NOSIP: variants seen among roughly 807,000 people sequenced by gnomAD.
The protein encoded by NOSIP is nitric oxide synthase interacting protein.
In NOSIP, 25 loss-of-function variants were observed where a neutral mutation model predicts 36.4. The ratio of observed to expected loss-of-function variants is 0.69; its 90% CI spans 0.50 to 0.96. NOSIP has a LOEUF of 0.96. Among genes scored for constraint, NOSIP ranks in the 40% least tolerant of loss-of-function variants. NOSIP has a pLI of 0.00. For missense variants in NOSIP, 370 were observed against 429.0 expected (o/e 0.86, Z 1.21); for synonymous variants, 187 against 179.2 (o/e 1.04, Z -0.35).
rs2080314277 is a variant in NOSIP at position 49,560,248 on chromosome 19, A to T, written c.71-209T>A. 1.7e-6 allele frequency: 1 copy of T among 584,548 alleles called. No homozygotes were observed. The highest frequency in any genetic ancestry group is 3.1e-6 in the Non-Finnish European group (1 of 327,344). 36.2% of individuals were successfully genotyped at this position (584,548 alleles called of 1,614,324 possible). A position where few individuals can be genotyped will look rare whatever the true frequency, so the allele number is the denominator to read the frequency against. On this transcript the variant is annotated intron_variant, in intron 2 of 8. Transcript: ENST00000596358. This position sits in a 1 kb window ranked among gnomAD's most constrained non-coding sequence, Gnocchi z 4.6. ...CAACCCTGGAGGGTGAGAGGCAGAC[A>T]GGCCTGGTCACTGAGTGGCAGCTTG...
intron 1 of NOSIP, among the ~76,000 whole-genome samples, chr19:49,578,009 G>A (rs908466993): frequency 1.3e-5 from 2 of 152,088 alleles, no homozygotes; most frequent in African/African-American, 4.8e-5. Context: ...TTTGGGTGAT[G>A]AAAATATTCT....
chr19:49,577,930 G>A (rs1224150111), intron 1 of NOSIP, among the ~76,000 whole-genome samples: 1 of 152,140 alleles, frequency 6.6e-6, no homozygotes, highest in Non-Finnish European at 1.5e-5. Flanking sequence ...AGTAGTGGCT[G>A]CCAAAGACTG....
At position 49,556,480 on chromosome 19, in the gene NOSIP, C is replaced by T; in HGVS notation, c.726-55G>A. ...GATCAGGGGCCTTCCTGGGGACCTA[C>T]TGGCCCCAAAGCCGGACCGCCCCGC... On this transcript the variant is annotated intron_variant, in intron 7 of 8. Coordinates refer to ENST00000596358, the MANE Select transcript of NOSIP (RefSeq NM_001270960.2). 3 of 1,606,874 alleles carry T rather than the reference C, an allele frequency of 1.9e-6. No individual in the cohort carries two copies. In the South Asian group the frequency reaches 3.3e-5, roughly 18 times the overall value.
Position 49,555,680 on chromosome 19 carries a change from C to A in NOSIP, c.*71G>T. On this transcript the variant is annotated 3_prime_UTR_variant, in exon 9 of 9. Coordinates refer to ENST00000596358, the MANE Select transcript of NOSIP (RefSeq NM_001270960.2). ...ATCCTCGCCTGCCCTGTCCCCGGGG[C>A]GCCCACGCCGCGAATGAAGGCGCCA... is the stretch of plus-strand genomic sequence containing the variant. 7.6e-7 allele frequency: 1 copy of A among 1,323,550 alleles called. No homozygotes were observed. Among genetic ancestry groups the A allele is most frequent in the Non-Finnish European group, 1.1e-6 (1 of 921,996 alleles). The allele number at this position is 1,323,550 out of a possible 1,614,324, so 82.0% of individuals were successfully genotyped here.
intron 1 of NOSIP, among the ~76,000 whole-genome samples, chr19:49,579,447 T>C (rs1434916434): frequency 6.6e-6 from 1 of 152,200 alleles, no homozygotes; most frequent in Non-Finnish European, 1.5e-5. Flanking sequence ...AGGAGAGAGA[T>C]AATAGCCAAA....
At position 49,555,764 on chromosome 19, in the gene NOSIP, A is replaced by G; in HGVS notation, c.893T>C (p.Val298Ala). The G allele has an allele frequency of 1.9e-6, 3 of 1,613,198 alleles. No homozygotes were observed. Among genetic ancestry groups the G allele is most frequent in the Non-Finnish European group, 2.5e-6 (3 of 1,179,640 alleles). Reference sequence around the variant, plus strand: ...TCCCGCACACACTCAGGCCTGCATCACCGGCCGTGATTTCTCCGCTTGCAG... The same window carrying G: ...TCCCGCACACACTCAGGCCTGCATCGCCGGCCGTGATTTCTCCGCTTGCAG... ...VKLQAEKSRP[V>A]MQA Residue 298 changes from valine to alanine, a missense_variant, in exon 9 of 9, where the codon GTG becomes GCG. Transcript: ENST00000596358.
rs550613133 is a variant in NOSIP, at chr19:49,567,471, C to T, written c.-1-6779G>A. On this transcript the variant is annotated intron_variant, in intron 1 of 8. Transcript: ENST00000596358. ...CTAGTTGCTCTCCATACAGACTGCACAGGTCTATATACCTCCAACAACATG... is the reference window on the plus strand; with the variant it reads ...CTAGTTGCTCTCCATACAGACTGCATAGGTCTATATACCTCCAACAACATG... Among the ~76,000 whole-genome samples the T allele has an allele frequency of 6.6e-5, 10 of 152,104 alleles. No homozygotes were observed. The East Asian group carries it at 1.9e-3, about 29-fold the overall frequency.
chr19:49,563,132 C>T (rs1027693934), intron 1 of NOSIP, among the ~76,000 whole-genome samples: 13 of 151,908 alleles, frequency 8.6e-5, no homozygotes, highest in African/African-American at 3.1e-4. Flanking sequence ...ATTTCCGTTC[C>T]ACTTCCCTCT....
At position 49,560,259 on chromosome 19, in the gene NOSIP, C is replaced by T. The variant is rs1235676708; in HGVS notation, c.71-220G>A. On this transcript the variant is annotated intron_variant, in intron 2 of 8. Coordinates refer to ENST00000596358, the MANE Select transcript of NOSIP (RefSeq NM_001270960.2). The surrounding 1 kb of genome is among the most constrained non-coding windows in gnomAD (Gnocchi z 4.6). The stretch of plus-strand genomic sequence containing the variant: ...GGTGAGAGGCAGACAGGCCTGGTCA[C>T]TGAGTGGCAGCTTGGTGGAGGGGCT... The T allele has an allele frequency of 1.9e-5, 11 of 581,702 alleles. No individual in the cohort carries two copies. Among genetic ancestry groups the T allele is most frequent in the Non-Finnish European group, 2.8e-5 (9 of 325,788 alleles). 36.0% of individuals were successfully genotyped at this position (581,702 alleles called of 1,614,324 possible). A position where few individuals can be genotyped will look rare whatever the true frequency, so the allele number is the denominator to read the frequency against.
intron 1 of NOSIP, among the ~76,000 whole-genome samples, chr19:49,577,768 A>G (rs868506678): frequency 0.02 from 20 of 984 alleles, no homozygotes; most frequent in African/African-American, 0.1. Context: ...GTGTCTCGGG[A>G]AAAAAAAAAA....
Position 49,558,889 on chromosome 19 carries a change from C to CCCATCA in NOSIP, c.258+2_258+7dup, listed in dbSNP as rs1209529601. 1 of 1,612,444 alleles carries CCCATCA rather than the reference C, an allele frequency of 6.2e-7. No homozygotes were observed. The highest frequency in any genetic ancestry group is 1.3e-5 in the African/African-American group (1 of 74,888). On this transcript the variant is annotated splice_region_variant and intron_variant, in intron 4 of 8. Transcript: ENST00000596358. Reference sequence around the variant, plus strand: ...CTCCGTGTGCCGCCTCCTCCCCATCCCCATCACCTTCATCTGCCGGGCAAT... The same window carrying CCCATCA: ...CTCCGTGTGCCGCCTCCTCCCCATCCCCATCACCATCACCTTCATCTGCCGGGCAAT...
At chr19:49,557,881 T>C in intron 4 of NOSIP, 1 of 987,750 alleles carries the variant, frequency 1.0e-6, no homozygotes, top group Non-Finnish European at 1.2e-6. Flanking sequence ...CAGTGATGGA[T>C]GCTCATGAGG....
chr19:49,566,794 C>CATATATATATACATATATATATAT (rs2080414016), intron 1 of NOSIP: 1 of 142,930 alleles, frequency 7.0e-6, no homozygotes, highest in African/African-American at 2.7e-5. Flanking sequence ...CATATACATA[C>CATATATATATACATATATATATAT]ATATATATAT....
At chr19:49,558,425 A>AT (rs1174395686) in intron 4 of NOSIP, 1 of 146,076 alleles carries the variant, frequency 6.8e-6, no homozygotes, top group Admixed American at 6.8e-5. Context: ...TTTTTTTTTT[A>AT]TTTTTTTATT....
At position 49,559,210 on chromosome 19, in the gene NOSIP, G is replaced by A. The variant is rs550600095; in HGVS notation, c.177-232C>T. On this transcript the variant is annotated intron_variant, in intron 3 of 8. Transcript: ENST00000596358. Reference sequence around the variant, plus strand: ...GGCACATGGGGCAGAATCTAGTAGAGACTAGATTTGAGCTTCCAGCTGTCC... The same window carrying A: ...GGCACATGGGGCAGAATCTAGTAGAAACTAGATTTGAGCTTCCAGCTGTCC... The A allele has an allele frequency of 3.1e-5, 16 of 512,784 alleles. No individual in the cohort carries two copies. In the Admixed American group the frequency reaches 4.2e-4, roughly 14 times the overall value. 31.8% of individuals were successfully genotyped at this position (512,784 alleles called of 1,614,324 possible).
At chr19:49,573,486 G>T (rs2080512441) in intron 1 of NOSIP, among the ~76,000 whole-genome samples, 1 of 152,098 alleles carries the variant, frequency 6.6e-6, no homozygotes, top group Non-Finnish European at 1.5e-5. Context: ...TTCAGCCTGG[G>T]TCCCAGCATT....
rs775323843 is a variant in NOSIP, at chr19:49,559,980, C to G, written c.130G>C (p.Asp44His). ...GGCTGCAGGGAGAGACAACAGCAGT[C>G]GAAGTCCTTCACGGCATCCCGGCTC... ...RLSRDAVKDF[D>H]CCCLSLQPCH... The change falls in exon 3 of 9, where the codon GAC becomes CAC. Residue 44 changes from aspartate (D) to histidine (H), a missense_variant. Physicochemically the swap from Asp to His is moderately conservative, Grantham distance 81. This residue lies in a region of NOSIP where 315 missense variants were observed against 331.9 expected (regional missense o/e 0.95). Transcript: ENST00000596358. 6 of 1,613,944 alleles carry G rather than the reference C, an allele frequency of 3.7e-6. No individual in the cohort carries two copies. The highest frequency in any genetic ancestry group is 1.1e-5 in the South Asian group (1 of 91,024).
chr19:49,564,440 C>G (rs1262946633), intron 1 of NOSIP, among the ~76,000 whole-genome samples: 2 of 124,384 alleles, frequency 1.6e-5, no homozygotes, highest in African/African-American at 6.4e-5. Flanking sequence ...GGGGACAGAG[C>G]GAGACTCCAT....
At chr19:49,568,757 C>T (rs1599759218) in intron 1 of NOSIP, among the ~76,000 whole-genome samples, 1 of 139,878 alleles carries the variant, frequency 7.1e-6, no homozygotes, top group African/African-American at 2.7e-5. Context: ...CCAGCCTGGG[C>T]AATATAGCTA....
Sources: gnomAD v4.1 joint callset for allele counts (sites outside exome capture counted in the v4.1 genomes callset) on GRCh38, gnomAD v4.1.1 for gene constraint, gnomAD v4.1.1 regional missense constraint, Gnocchi (gnomAD v3.1) non-coding constraint, MANE v1.5 for transcripts, NCBI Gene and HGNC (gene_info 2026-07-23, HGNC 2026-07-21) for gene names.